SLC25A21: variants seen among roughly 807,000 people sequenced by gnomAD.
SLC25A21 encodes the protein mitochondrial 2-oxodicarboxylate carrier.
Under a neutral mutation model 43.8 loss-of-function variants are expected in SLC25A21, and 47 were observed. The ratio of observed to expected loss-of-function variants is 1.07; its 90% CI spans 0.85 to 1.37. The LOEUF is 1.37. SLC25A21 is among the 40% of genes most tolerant of loss of function. The pLI, the probability that SLC25A21 is intolerant of heterozygous loss-of-function variation, is 0.00. For missense variants in SLC25A21, 352 were observed against 350.2 expected (o/e 1.00, Z -0.04); for synonymous variants, 131 against 121.3 (o/e 1.08, Z -0.52).
chr14:36,892,593 A>C (rs1364657461), intron 1 of SLC25A21, among the ~76,000 whole-genome samples: 1 of 152,034 alleles, frequency 6.6e-6, no homozygotes, highest in Non-Finnish European at 1.5e-5. Context: ...ACGTGTGCAC[A>C]ATGTGCAGGT....
chr14:37,023,471 C>G (rs1357253625), intron 1 of SLC25A21, among the ~76,000 whole-genome samples: 2 of 151,780 alleles, frequency 1.3e-5, no homozygotes, highest in African/African-American at 4.8e-5. Context: ...TACTTTTGGT[C>G]AAGGGTTCAT....
intron 1 of SLC25A21, among the ~76,000 whole-genome samples, chr14:36,892,996 C>T (rs955263686): frequency 2.6e-5 from 4 of 152,108 alleles, no homozygotes; most frequent in African/African-American, 9.7e-5. Context: ...GTGAATAGTG[C>T]TGCAATAAAC....
intron 2 of SLC25A21, among the ~76,000 whole-genome samples, chr14:36,818,242 A>G (rs1485592356): frequency 6.6e-6 from 1 of 152,198 alleles, no homozygotes; most frequent in Non-Finnish European, 1.5e-5. Context: ...AGGGGAAATA[A>G]AGAAAGACTA....
intron 1 of SLC25A21, among the ~76,000 whole-genome samples, chr14:37,112,613 C>T (rs1174048121): frequency 6.6e-6 from 1 of 152,132 alleles, no homozygotes; most frequent in Non-Finnish European, 1.5e-5. Flanking sequence ...AACTAAGTTC[C>T]AGCCAATGAC....
At chr14:36,692,512 C>G (rs1882833863) in intron 7 of SLC25A21, among the ~76,000 whole-genome samples, 1 of 152,230 alleles carries the variant, frequency 6.6e-6, no homozygotes, top group Non-Finnish European at 1.5e-5. Flanking sequence ...TTTTACCTTT[C>G]CTGGCATGGG....
intron 2 of SLC25A21, among the ~76,000 whole-genome samples, chr14:36,853,823 C>G (rs1338528007): frequency 2.0e-5 from 3 of 152,200 alleles, no homozygotes; most frequent in Non-Finnish European, 4.4e-5. Flanking sequence ...GACCCTCCAA[C>G]AAACACTGCT....
chr14:37,069,134 G>A (rs1962122260), intron 1 of SLC25A21, among the ~76,000 whole-genome samples: 1 of 151,864 alleles, frequency 6.6e-6, no homozygotes, highest in Admixed American at 6.6e-5. Context: ...CCGAGATCAT[G>A]CCACTGCACT....
At chr14:36,931,660 A>C (rs922407941) in intron 1 of SLC25A21, among the ~76,000 whole-genome samples, 1 of 152,144 alleles carries the variant, frequency 6.6e-6, no homozygotes, top group African/African-American at 2.4e-5. Flanking sequence ...TAAATGGAGA[A>C]CTGATGAAAG....
intron 2 of SLC25A21, among the ~76,000 whole-genome samples, chr14:36,855,009 G>A (rs115449731): frequency 3.7e-4 from 56 of 152,138 alleles, no homozygotes; most frequent in African/African-American, 1.3e-3. Flanking sequence ...ATAAGGGGCT[G>A]CACTGTCTGT....
chr14:37,021,562 G>T (rs1352536627), intron 1 of SLC25A21, among the ~76,000 whole-genome samples: 1 of 151,856 alleles, frequency 6.6e-6, no homozygotes, highest in Non-Finnish European at 1.5e-5. Flanking sequence ...TGGGAGCAAA[G>T]AATCCCATTA....
chr14:36,872,160 G>A (rs1000794784), intron 2 of SLC25A21, among the ~76,000 whole-genome samples: 1 of 152,172 alleles, frequency 6.6e-6, no homozygotes, highest in Non-Finnish European at 1.5e-5. Flanking sequence ...ATTACTTAAG[G>A]AGAAGTATAC....
chr14:37,012,384 TA>T (rs1960752770), intron 1 of SLC25A21, among the ~76,000 whole-genome samples: 1 of 152,176 alleles, frequency 6.6e-6, no homozygotes, highest in Non-Finnish European at 1.5e-5. Context: ...TAACCCACTA[TA>T]AGAAAAATTA....
intron 1 of SLC25A21, among the ~76,000 whole-genome samples, chr14:37,010,326 C>T (rs1286859207): frequency 1.3e-5 from 2 of 152,190 alleles, no homozygotes; most frequent in Non-Finnish European, 2.9e-5. Context: ...CTGACATCTG[C>T]CTTGCTTGAA....
chr14:37,080,185 T>A (rs1375662774), intron 1 of SLC25A21, among the ~76,000 whole-genome samples: 1 of 152,202 alleles, frequency 6.6e-6, no homozygotes, highest in Non-Finnish European at 1.5e-5. Context: ...TTACTCTAAG[T>A]AAGATCAAGG....
chr14:36,794,767 T>TA (rs564868791), intron 3 of SLC25A21, among the ~76,000 whole-genome samples: 33,791 of 141,460 alleles, frequency 0.24, 3,926 homozygotes, highest in East Asian at 0.3. Context: ...AGACTCCATT[T>TA]AAAAAAAAAA....
At chr14:37,163,638 T>C (rs1963985648) in intron 1 of SLC25A21, among the ~76,000 whole-genome samples, 1 of 152,152 alleles carries the variant, frequency 6.6e-6, no homozygotes, top group Admixed American at 6.5e-5. Flanking sequence ...TTTAACCTGG[T>C]TCCTTTCATT....
chr14:37,010,973 G>A (rs1338731643), intron 1 of SLC25A21, among the ~76,000 whole-genome samples: 1 of 152,034 alleles, frequency 6.6e-6, no homozygotes, highest in African/African-American at 2.4e-5. Context: ...TGCAACCTCC[G>A]TCTCCCAGGT....
intron 3 of SLC25A21, among the ~76,000 whole-genome samples, chr14:36,743,682 C>T (rs547078105): frequency 6.6e-6 from 1 of 152,030 alleles, no homozygotes; most frequent in Non-Finnish European, 1.5e-5. Context: ...TCATATTCAA[C>T]GTAGTACTGG....
At chr14:36,898,473 T>G (rs558127332) in intron 1 of SLC25A21, among the ~76,000 whole-genome samples, 2 of 152,302 alleles carry the variant, frequency 1.3e-5, no homozygotes, top group African/African-American at 2.4e-5. Flanking sequence ...CCTGACCCCT[T>G]GTGCTTCCTG....
Sources: allele counts gnomAD v4.1 joint callset (sites outside exome capture counted in the v4.1 genomes callset), GRCh38; gene constraint gnomAD v4.1.1; transcripts MANE v1.5; gene names NCBI Gene and HGNC (gene_info 2026-07-23, HGNC 2026-07-21).